The following GLRA2 variants were observed in gnomAD, a reference collection of about 807,000 sequenced individuals.
GLRA2 encodes the protein glycine receptor subunit alpha-2.
Under a neutral mutation model 31.6 loss-of-function variants are expected in GLRA2, and 11 were observed. The ratio of observed to expected loss-of-function variants is 0.35; its 90% CI spans 0.22 to 0.58. GLRA2 has a LOEUF of 0.58. Among genes scored for constraint, GLRA2 ranks in the 20% least tolerant of loss-of-function variants. The pLI is 0.84. For missense variants in GLRA2, 212 were observed against 351.8 expected (o/e 0.60, Z 3.18); for synonymous variants, 132 against 134.0 (o/e 0.99, Z 0.10).
chrX:14,556,996 AAT>A (rs1331533170), intron 2 of GLRA2, among the ~76,000 whole-genome samples: 1 of 111,517 alleles, frequency 9.0e-6, no homozygotes, highest in African/African-American at 3.3e-5. Flanking sequence ...GTAACATGAA[AAT>A]ACACAGAATT....
intron 2 of GLRA2, among the ~76,000 whole-genome samples, chrX:14,557,454 CTT>C (rs1423965062): frequency 8.9e-6 from 1 of 111,764 alleles, no homozygotes. Context: ...AATCCACACT[CTT>C]TGCTGAAACA....
chrX:14,460,717 T>C, the GLRA2 span, among the ~76,000 whole-genome samples: 1 of 112,181 alleles, frequency 8.9e-6, no homozygotes, highest in Non-Finnish European at 1.9e-5. Context: ...CCCTTTATCA[T>C]TTTTTATTGT....
intron 8 of GLRA2, among the ~76,000 whole-genome samples, chrX:14,728,299 G>A (rs1331819837): frequency 6.3e-5 from 7 of 110,867 alleles, no homozygotes; most frequent in Non-Finnish European, 1.3e-4. Flanking sequence ...GGTCTGAGGC[G>A]GGAGGATCAC....
chrX:14,669,979 C>T (rs1188763139), intron 7 of GLRA2, among the ~76,000 whole-genome samples: 1 of 112,212 alleles, frequency 8.9e-6, no homozygotes, highest in Non-Finnish European at 1.9e-5. Flanking sequence ...ATGCTGTTTC[C>T]CTTTTGAAAC....
At chrX:14,714,123 T>C (rs1035508458) in intron 8 of GLRA2, among the ~76,000 whole-genome samples, 1 of 110,670 alleles carries the variant, frequency 9.0e-6, no homozygotes, top group Admixed American at 9.7e-5. Context: ...ACTGATTCTA[T>C]TTCCTGATAC....
chrX:14,610,941 T>A (rs752639272), intron 7 of GLRA2, among the ~76,000 whole-genome samples: 1 of 112,536 alleles, frequency 8.9e-6, no homozygotes, highest in African/African-American at 3.2e-5. Flanking sequence ...GGAACTCAGA[T>A]AAACCAAAAG....
chrX:14,695,341 A>T (rs1370101008), intron 8 of GLRA2, among the ~76,000 whole-genome samples: 2 of 111,740 alleles, frequency 1.8e-5, no homozygotes, highest in East Asian at 5.6e-4. Flanking sequence ...GGGGGGATAT[A>T]TTTTTTCCAA....
chrX:14,614,994 C>T (rs2090439951), intron 7 of GLRA2, among the ~76,000 whole-genome samples: 1 of 112,031 alleles, frequency 8.9e-6, no homozygotes, highest in African/African-American at 3.2e-5. Context: ...CATTTTCTGT[C>T]TTCTAGAAAG....
intron 8 of GLRA2, among the ~76,000 whole-genome samples, chrX:14,723,051 G>C (rs1177717514): frequency 8.9e-6 from 1 of 112,285 alleles, no homozygotes; most frequent in Non-Finnish European, 1.9e-5. Context: ...GTTTGGGGTT[G>C]AAAAGAAAGA....
At chrX:14,578,668 C>T (rs751694537) in intron 3 of GLRA2, among the ~76,000 whole-genome samples, 11 of 111,616 alleles carry the variant, frequency 9.9e-5, no homozygotes, top group East Asian at 5.6e-4. Context: ...TAGTTTCTGA[C>T]GGCAAGTGAA....
chrX:14,564,917 TGAAAA>T (rs1400694950), intron 2 of GLRA2, among the ~76,000 whole-genome samples: 1 of 109,008 alleles, frequency 9.2e-6, no homozygotes, highest in Non-Finnish European at 1.9e-5. Flanking sequence ...CAAAAGGAAA[TGAAAA>T]GAAAATCCAA....
At chrX:14,704,065 C>T (rs1305044726) in intron 8 of GLRA2, among the ~76,000 whole-genome samples, 1 of 111,628 alleles carries the variant, frequency 9.0e-6, no homozygotes, top group Admixed American at 9.5e-5. Context: ...CATCCTCGGC[C>T]TCCCCACTAA....
chrX:14,713,211 G>A (rs1167184369), intron 8 of GLRA2, among the ~76,000 whole-genome samples: 2 of 112,038 alleles, frequency 1.8e-5, no homozygotes, highest in African/African-American at 6.5e-5. Context: ...ATTGTTTTGA[G>A]TTTAGTAGTG....
chrX:14,595,704 C>T (rs1336374885), intron 4 of GLRA2, among the ~76,000 whole-genome samples: 2 of 111,356 alleles, frequency 1.8e-5, no homozygotes, highest in Non-Finnish European at 3.8e-5. Flanking sequence ...AGATAACCTG[C>T]TCTACCCGAT....
the GLRA2 span, among the ~76,000 whole-genome samples, chrX:14,465,989 G>A: frequency 8.9e-6 from 1 of 111,961 alleles, no homozygotes; most frequent in Non-Finnish European, 1.9e-5. Context: ...ATGGGCTTAC[G>A]TACTTGTTCT....
intron 2 of GLRA2, among the ~76,000 whole-genome samples, chrX:14,543,654 G>T (rs1451040231): frequency 9.0e-6 from 1 of 111,301 alleles, no homozygotes; most frequent in Non-Finnish European, 1.9e-5. Context: ...TCAGCATCTG[G>T]CCAAAGATGT....
chrX:14,654,967 A>G (rs189544897), intron 7 of GLRA2, among the ~76,000 whole-genome samples: 1 of 111,180 alleles, frequency 9.0e-6, no homozygotes, highest in African/African-American at 3.3e-5. Context: ...CGAGAACAGT[A>G]TGGGGGAAAC....
intron 8 of GLRA2, among the ~76,000 whole-genome samples, chrX:14,693,123 A>G (rs780535880): frequency 9.0e-6 from 1 of 111,435 alleles, no homozygotes; most frequent in South Asian, 3.7e-4. Context: ...GATTAAACCC[A>G]AATATATTAT....
intron 8 of GLRA2, among the ~76,000 whole-genome samples, chrX:14,729,129 C>T (rs1044036191): frequency 8.9e-6 from 1 of 112,224 alleles, no homozygotes; most frequent in Middle Eastern, 4.6e-3. Context: ...GAAGACACTA[C>T]TGACATTCAG....
Sources: allele counts gnomAD v4.1 joint callset (sites outside exome capture counted in the v4.1 genomes callset), GRCh38; gene constraint gnomAD v4.1.1; transcripts MANE v1.5; gene names NCBI Gene and HGNC (gene_info 2026-07-23, HGNC 2026-07-21).